EPHA3: variants seen among roughly 807,000 people sequenced by gnomAD.
The protein encoded by EPHA3 is ephrin type-A receptor 3.
A neutral mutation model predicts 107.1 loss-of-function variants in EPHA3; 42 were observed. The ratio of observed to expected loss-of-function variants is 0.39; its 90% CI spans 0.31 to 0.51. The LOEUF is 0.51. EPHA3 is among the 20% of genes least tolerant of loss of function. The probability of loss-of-function intolerance (pLI) is 0.78; values close to 1 mark genes in which losing one functional copy is unlikely to be tolerated. For missense variants in EPHA3, 1,183 were observed against 1,211.2 expected, an observed-to-expected ratio of 0.98 and a Z score of 0.35; for synonymous variants, 461 against 424.8, an observed-to-expected ratio of 1.09 and a Z score of -1.05.
intron 10 of EPHA3, among the ~76,000 whole-genome samples, chr3:89,415,847 CA>C: frequency 1.3e-5 from 2 of 151,372 alleles, no homozygotes; most frequent in Non-Finnish European, 3.0e-5. Flanking sequence ...CGTGAATAAA[CA>C]AAAGCTGAGA....
chr3:89,480,393 T>C lies in EPHA3; in HGVS notation c.*891T>C, dbSNP rs1710600875. On this transcript the variant is annotated 3_prime_UTR_variant, in exon 17 of 17. Transcript: ENST00000336596. The stretch of plus-strand genomic sequence containing the variant: ...CCAATCATTGTTGCCTCTCCGTTTA[T>C]TATAAACTGTATGCTCACAACTTAG... 1 of 233,278 alleles carries C rather than the reference T, an allele frequency of 4.3e-6. No individual in the cohort carries two copies. Among genetic ancestry groups the C allele is most frequent in the Non-Finnish European group, 8.5e-6 (1 of 117,814 alleles). 14.5% of individuals were successfully genotyped at this position (233,278 alleles called of 1,614,324 possible). A position where few individuals can be genotyped will look rare whatever the true frequency, so the allele number is the denominator to read the frequency against.
intron 3 of EPHA3, among the ~76,000 whole-genome samples, chr3:89,273,689 A>T (rs1160703068): frequency 6.6e-6 from 1 of 151,866 alleles, no homozygotes; most frequent in Non-Finnish European, 1.5e-5. Flanking sequence ...TGGTTACAAC[A>T]TTGTCATCAA....
intron 2 of EPHA3, among the ~76,000 whole-genome samples, chr3:89,151,083 T>C (rs1193629987): frequency 1.3e-5 from 2 of 152,078 alleles, no homozygotes; most frequent in East Asian, 1.9e-4. Flanking sequence ...ATAAGAGATA[T>C]ATTATGAAAA....
rs145745292 is a variant in EPHA3 at position 89,135,574 on chromosome 3, C to A, written c.153+8301C>A. 1.1e-4 allele frequency among the ~76,000 whole-genome samples: 16 copies of A among 151,780 alleles called. No individual in the cohort carries two copies. In the East Asian group the frequency reaches 2.9e-3, roughly 28 times the overall value. Reference sequence around the variant, plus strand: ...TACACTATATTACTTGAAATAATGTCTTTTAGGGATTTCATTGTCTCTTTT... The same window carrying A: ...TACACTATATTACTTGAAATAATGTATTTTAGGGATTTCATTGTCTCTTTT... On this transcript the variant is annotated intron_variant, in intron 2 of 16. Coordinates refer to ENST00000336596, the MANE Select transcript of EPHA3 (RefSeq NM_005233.6).
At chr3:89,161,818 A>C (rs1704949475) in intron 2 of EPHA3, among the ~76,000 whole-genome samples, 1 of 151,858 alleles carries the variant, frequency 6.6e-6, no homozygotes, top group Non-Finnish European at 1.5e-5. Context: ...CTCTATGAAA[A>C]GATATAAAAC....
intron 3 of EPHA3, among the ~76,000 whole-genome samples, chr3:89,259,509 A>G (rs1705366214): frequency 6.6e-6 from 1 of 152,194 alleles, no homozygotes; most frequent in African/African-American, 2.4e-5. Flanking sequence ...TTTTGTGTGA[A>G]AAGTGGGGCA....
At chr3:89,345,239 G>T (rs924751904) in intron 5 of EPHA3, among the ~76,000 whole-genome samples, 4 of 151,104 alleles carry the variant, frequency 2.6e-5, no homozygotes, top group Non-Finnish European at 5.9e-5. Context: ...GGGTTTGGAG[G>T]TCCACCTCTA....
chr3:89,431,463 T>C, intron 13 of EPHA3, 104 bp downstream of exon 13: 1 of 858,826 alleles, frequency 1.2e-6, no homozygotes. Context: ...TTGTCAATTA[T>C]GCTTTCCACA....
At chr3:89,213,976 AT>A (rs1476211097) in intron 3 of EPHA3, among the ~76,000 whole-genome samples, 1 of 152,024 alleles carries the variant, frequency 6.6e-6, no homozygotes. Flanking sequence ...CTGATAAGTA[AT>A]AAGATAAATA....
chr3:89,215,032 T>C (rs1169774020), intron 3 of EPHA3, among the ~76,000 whole-genome samples: 1 of 151,906 alleles, frequency 6.6e-6, no homozygotes, highest in African/African-American at 2.4e-5. Context: ...AATAATGCCC[T>C]TGCCTTGAAA....
At chr3:89,224,744 G>A (rs1559608566) in intron 3 of EPHA3, among the ~76,000 whole-genome samples, 1 of 151,976 alleles carries the variant, frequency 6.6e-6, no homozygotes, top group Non-Finnish European at 1.5e-5. Context: ...AGCTACTCGG[G>A]AGGCTGAGGC....
chr3:89,435,674 C>T (rs955968796), intron 13 of EPHA3, among the ~76,000 whole-genome samples: 2 of 146,862 alleles, frequency 1.4e-5, no homozygotes, highest in African/African-American at 5.0e-5. Context: ...TAATATAGGA[C>T]AGGTGCGGTG....
At chr3:89,154,529 C>T (rs1264159507) in intron 2 of EPHA3, among the ~76,000 whole-genome samples, 2 of 151,516 alleles carry the variant, frequency 1.3e-5, no homozygotes, top group Non-Finnish European at 2.9e-5. Context: ...TTGGACCTAG[C>T]TTTTAAGATT....
chr3:89,219,285 T>G (rs1704291254), intron 3 of EPHA3, among the ~76,000 whole-genome samples: 1 of 152,166 alleles, frequency 6.6e-6, no homozygotes, highest in South Asian at 2.1e-4. Flanking sequence ...TGCCTCAGCC[T>G]CCTGAGTAGC....
At chr3:89,472,940 C>T (rs1412310262) in intron 16 of EPHA3, among the ~76,000 whole-genome samples, 12 of 152,214 alleles carry the variant, frequency 7.9e-5, no homozygotes, top group Non-Finnish European at 2.9e-5. Flanking sequence ...AAAACATAAG[C>T]AGACATAGAT....
Position 89,107,772 on chromosome 3 carries a change from C to T in EPHA3, c.24C>T (p.Leu8=), listed in dbSNP as rs747897732. The change falls in exon 1 of 17, where the codon CTC becomes CTT. Residue 8 remains leucine, a synonymous_variant. Coordinates refer to ENST00000336596, the MANE Select transcript of EPHA3 (RefSeq NM_005233.6). MDCQLSI[L]LLLSCSVLDS... ...ACATGGATTGTCAGCTCTCCATCCT[C>T]CTCCTTCTCAGCTGCTCTGTTCTCG... 3.8e-5 allele frequency: 61 copies of T among 1,614,096 alleles called. No homozygotes were observed. The highest frequency in any genetic ancestry group is 4.7e-5 in the Non-Finnish European group (55 of 1,180,042).
chr3:89,241,707 CT>C (rs1704899843), intron 3 of EPHA3, among the ~76,000 whole-genome samples: 1 of 152,062 alleles, frequency 6.6e-6, no homozygotes, highest in South Asian at 2.1e-4. Context: ...TATCACCCCC[CT>C]GCATGATTTT....
intron 2 of EPHA3, among the ~76,000 whole-genome samples, chr3:89,157,862 AG>A (rs1704841093): frequency 7.0e-6 from 1 of 143,374 alleles, no homozygotes; most frequent in Admixed American, 6.9e-5. Flanking sequence ...ATGAAGAAAA[AG>A]AAAAAAAAAA....
intron 13 of EPHA3, among the ~76,000 whole-genome samples, chr3:89,444,086 A>G (rs1184499959): frequency 6.6e-6 from 1 of 152,136 alleles, no homozygotes; most frequent in Admixed American, 6.5e-5. Context: ...CTCTGTAGTG[A>G]ATGTGTATTG....
Sources: allele counts gnomAD v4.1 joint callset (sites outside exome capture counted in the v4.1 genomes callset), GRCh38; gene constraint gnomAD v4.1.1; transcripts MANE v1.5; gene names NCBI Gene and HGNC (gene_info 2026-07-23, HGNC 2026-07-21).